Variants in LAMA2 observed in about 807,000 individuals in gnomAD.
LAMA2 encodes laminin subunit alpha 2.
LAMA2 carries 269 observed loss-of-function variants against 364.8 expected under a neutral mutation model. The ratio of observed to expected loss-of-function variants is 0.74; its 90% CI spans 0.67 to 0.82. The LOEUF is 0.82. Ranked by LOEUF, LAMA2 falls within the 40% of genes least tolerant of loss-of-function variation. The pLI is 0.00. For missense variants in LAMA2, 3,807 were observed against 3,873.2 expected (o/e 0.98, Z 0.45); for synonymous variants, 1,379 against 1,370.6 (o/e 1.01, Z -0.14).
intron 41 of LAMA2, among the ~76,000 whole-genome samples, chr6:129,430,192 A>G (rs1781520470): frequency 6.6e-6 from 1 of 152,204 alleles, no homozygotes; most frequent in Non-Finnish European, 1.5e-5. Context: ...AACTGCTGAA[A>G]TAGGCCCTAC....
chr6:128,891,529 C>T (rs1368090140), intron 1 of LAMA2, among the ~76,000 whole-genome samples: 3 of 151,768 alleles, frequency 2.0e-5, no homozygotes, highest in South Asian at 2.1e-4. Flanking sequence ...ATTGGTTTGT[C>T]GTGGTACATA....
rs748947096 is a variant in LAMA2 at position 129,149,116 on chromosome 6, A to G, written c.1027+20A>G. 5 of 1,372,890 alleles carry G rather than the reference A, an allele frequency of 3.6e-6. No individual in the cohort carries two copies. In the Admixed American group the frequency reaches 6.7e-5, roughly 18 times the overall value. The allele number at this position is 1,372,890 out of a possible 1,614,324, so 85.0% of individuals were successfully genotyped here. ...GTGAAGGTATGTTCTTTAGAAGCCA[A>G]CAAAATATGTCATTCTTCCTTTCCA... On this transcript the variant is annotated intron_variant, in intron 7 of 64. Coordinates refer to ENST00000421865, the MANE Select transcript of LAMA2 (RefSeq NM_000426.4).
At chr6:129,042,519 C>T (rs1212939128) in intron 1 of LAMA2, among the ~76,000 whole-genome samples, 3 of 151,922 alleles carry the variant, frequency 2.0e-5, no homozygotes, top group African/African-American at 4.8e-5. Flanking sequence ...AATTTATCTA[C>T]ATTGAAATGC....
chr6:129,115,138 A>C (rs1173472164), intron 4 of LAMA2, among the ~76,000 whole-genome samples: 1 of 152,072 alleles, frequency 6.6e-6, no homozygotes, highest in Non-Finnish European at 1.5e-5. Context: ...AATGTTACAG[A>C]GACACCAGAA....
At chr6:129,087,695 A>G (rs1774461480) in intron 3 of LAMA2, among the ~76,000 whole-genome samples, 1 of 152,034 alleles carries the variant, frequency 6.6e-6, no homozygotes, top group South Asian at 2.1e-4. Flanking sequence ...AGCAGGTTAT[A>G]ATAACTCCTG....
At chr6:129,157,905 C>A (rs1328544881) in intron 8 of LAMA2, 1 of 1,614,206 alleles carries the variant, frequency 6.2e-7, no homozygotes, top group African/African-American at 1.3e-5. Flanking sequence ...AGCCAGGTAG[C>A]GTTTGGTGCC....
At chr6:129,092,394 C>T (rs1444273815) in intron 3 of LAMA2, among the ~76,000 whole-genome samples, 1 of 152,108 alleles carries the variant, frequency 6.6e-6, no homozygotes, top group Non-Finnish European at 1.5e-5. Flanking sequence ...GTCTATGATC[C>T]TTTCTGGTTC....
At chr6:129,222,769 T>C (rs1783953258) in intron 12 of LAMA2, among the ~76,000 whole-genome samples, 1 of 152,098 alleles carries the variant, frequency 6.6e-6, no homozygotes, top group African/African-American at 2.4e-5. Context: ...TGGTTCCAAG[T>C]CTTTGCTATT....
At chr6:129,346,100 T>C (rs989572430) in intron 30 of LAMA2, among the ~76,000 whole-genome samples, 1 of 152,092 alleles carries the variant, frequency 6.6e-6, no homozygotes, top group Admixed American at 6.6e-5. Flanking sequence ...CCAAAACAAA[T>C]ATGGTAGAAA....
At chr6:128,885,727 C>CAAG (rs1393614749) in intron 1 of LAMA2, among the ~76,000 whole-genome samples, 9 of 152,140 alleles carry the variant, frequency 5.9e-5, no homozygotes, top group Non-Finnish European at 2.9e-5. Flanking sequence ...ATGAATCAAC[C>CAAG]ATTTTTAGAT....
At chr6:129,451,452 C>T (rs1782671545) in intron 45 of LAMA2, among the ~76,000 whole-genome samples, 1 of 152,220 alleles carries the variant, frequency 6.6e-6, no homozygotes, top group African/African-American at 2.4e-5. Context: ...CAGTAGGCTT[C>T]CTGGAATGTC....
chr6:128,963,939 C>T (rs891468331), intron 1 of LAMA2, among the ~76,000 whole-genome samples: 1 of 152,104 alleles, frequency 6.6e-6, no homozygotes, highest in East Asian at 1.9e-4. Context: ...TTTAAACCAA[C>T]ATGTAAATGT....
chr6:129,506,088 C>T (rs1289580957), intron 61 of LAMA2, among the ~76,000 whole-genome samples: 1 of 152,008 alleles, frequency 6.6e-6, no homozygotes, highest in East Asian at 1.9e-4. Flanking sequence ...CATGGTGGCT[C>T]ACACCTGTAA....
At chr6:129,254,743 A>G (rs1046015008) in intron 14 of LAMA2, among the ~76,000 whole-genome samples, 3 of 152,338 alleles carry the variant, frequency 2.0e-5, no homozygotes, top group Non-Finnish European at 4.4e-5. Flanking sequence ...TCTTCTTTTA[A>G]GAATATAAGA....
chr6:129,326,472 G>A (rs74401216), intron 28 of LAMA2, among the ~76,000 whole-genome samples: 4,134 of 152,012 alleles, frequency 0.027, 196 homozygotes, highest in African/African-American at 0.093. Context: ...TCGATGAGGA[G>A]TATTACTTCT....
intron 9 of LAMA2, among the ~76,000 whole-genome samples, chr6:129,165,988 A>G (rs1002582655): frequency 6.6e-6 from 1 of 152,168 alleles, no homozygotes; most frequent in Non-Finnish European, 1.5e-5. Flanking sequence ...TAATTTTTTC[A>G]TATCGTGTTA....
At chr6:129,125,360 G>A (rs1777051354) in intron 4 of LAMA2, among the ~76,000 whole-genome samples, 2 of 152,150 alleles carry the variant, frequency 1.3e-5, no homozygotes, top group Non-Finnish European at 2.9e-5. Flanking sequence ...ACGAATTAGA[G>A]AATTTAAAAT....
At position 129,429,887 on chromosome 6, in the gene LAMA2, C is replaced by G. The variant is rs11968133; in HGVS notation, c.5968+2033C>G. On this transcript the variant is annotated intron_variant, in intron 41 of 64. Coordinates refer to ENST00000421865, the MANE Select transcript of LAMA2 (RefSeq NM_000426.4). Reference sequence around the variant, plus strand: ...AATGAAGAAAGAATTTTATTTTCAGCCATTTTTTTTCCAAGAGAAAAAGAA... The same window carrying G: ...AATGAAGAAAGAATTTTATTTTCAGGCATTTTTTTTCCAAGAGAAAAAGAA... 6.0e-3 allele frequency among the ~76,000 whole-genome samples: 913 copies of G among 152,244 alleles called. 8 individuals carry two copies. Among genetic ancestry groups the G allele is most frequent in the African/African-American group, 0.02 (815 of 41,540 alleles).
intron 58 of LAMA2, among the ~76,000 whole-genome samples, chr6:129,500,704 AAAAC>A (rs1785565209): frequency 6.6e-6 from 1 of 152,008 alleles, no homozygotes; most frequent in South Asian, 2.1e-4. Context: ...CAACAAAATA[AAAAC>A]AAACCAAAAA....
Sources: gnomAD v4.1 joint callset for allele counts (sites outside exome capture counted in the v4.1 genomes callset) on GRCh38, gnomAD v4.1.1 for gene constraint, MANE v1.5 for transcripts, NCBI Gene and HGNC (gene_info 2026-07-23, HGNC 2026-07-21) for gene names.